The following CNTN6 variants were observed in gnomAD, a reference collection of about 807,000 sequenced individuals.
CNTN6 encodes the protein contactin 6.
Under a neutral mutation model 122.8 loss-of-function variants are expected in CNTN6, and 137 were observed. The ratio of observed to expected loss-of-function variants is 1.12; its 90% CI spans 0.97 to 1.29. The LOEUF (loss-of-function observed/expected upper bound fraction) is 1.29. Ranked by LOEUF, CNTN6 falls within the 50% of genes most tolerant of loss-of-function variation. The pLI is 0.00. For synonymous variants in CNTN6, 570 were observed against 426.0 expected (o/e 1.34, Z -4.16); for missense variants, 1,634 against 1,223.4 (o/e 1.34, Z -5.01).
At chr3:1,121,991 C>T (rs1357550121) in intron 1 of CNTN6, among the ~76,000 whole-genome samples, 1 of 151,928 alleles carries the variant, frequency 6.6e-6, no homozygotes, top group African/African-American at 2.4e-5. Context: ...GGCAGGTGTT[C>T]TGATCTCTCT....
At chr3:1,176,549 T>C (rs1051554664) in intron 2 of CNTN6, among the ~76,000 whole-genome samples, 4 of 152,048 alleles carry the variant, frequency 2.6e-5, no homozygotes, top group African/African-American at 4.8e-5. Context: ...CTAGGGAGTA[T>C]GGAATCACAA....
chr3:1,103,609 G>A (rs935770696), intron 1 of CNTN6, among the ~76,000 whole-genome samples: 1 of 152,322 alleles, frequency 6.6e-6, no homozygotes, highest in South Asian at 2.1e-4. Context: ...AGAGACTGGA[G>A]TTTAAAGGAA....
At position 1,130,173 on chromosome 3, in the gene CNTN6, A is replaced by C. The variant is rs146020617; in HGVS notation, c.-82-17754A>C. Among the ~76,000 whole-genome samples the C allele has an allele frequency of 8.0e-3, 1,213 of 152,206 alleles. 9 individuals carry two copies. The highest frequency in any genetic ancestry group is 0.013 in the Admixed American group (197 of 15,258). ...ATCCTTGCCAAAGTCCAATCTTTAC[A>C]CAGGACATTGACTTTATTTCAAGGC... On this transcript the variant is annotated intron_variant, in intron 1 of 22. Coordinates refer to ENST00000446702, the MANE Select transcript of CNTN6 (RefSeq NM_001289080.2).
chr3:1,098,789 C>CACACAT (rs1211008614), intron 1 of CNTN6, among the ~76,000 whole-genome samples: 29 of 63,250 alleles, frequency 4.6e-4, no homozygotes, highest in Middle Eastern at 8.5e-3. Flanking sequence ...CACACACACA[C>CACACAT]ATATATATAT....
intron 2 of CNTN6, among the ~76,000 whole-genome samples, chr3:1,205,269 T>C (rs931859385): frequency 7.2e-5 from 11 of 152,190 alleles, no homozygotes; most frequent in Admixed American, 7.2e-4. Flanking sequence ...GAGACCCATT[T>C]TGGAATTCAA....
chr3:1,398,150 T>C lies in CNTN6; in HGVS notation c.2705-3283T>C, dbSNP rs73097113. On this transcript the variant is annotated intron_variant, in intron 20 of 22. Transcript: ENST00000446702. The stretch of plus-strand genomic sequence containing the variant: ...CATGACATGTGTTTTGTGCTATCCA[T>C]GTGGCAGTGTTTTGGTTTCTCAAGA... 3.9e-3 allele frequency among the ~76,000 whole-genome samples: 598 copies of C among 152,272 alleles called. 3 individuals are homozygous for C. The highest frequency in any genetic ancestry group is 0.014 in the African/African-American group (568 of 41,568).
chr3:1,266,923 C>T (rs116199905), intron 4 of CNTN6, among the ~76,000 whole-genome samples: 2,211 of 149,196 alleles, frequency 0.015, 58 homozygotes, highest in African/African-American at 0.049. Flanking sequence ...CCTCAGACCT[C>T]TGGGAAGCCA....
chr3:1,117,399 T>G (rs1266931036), intron 1 of CNTN6, among the ~76,000 whole-genome samples: 2 of 152,012 alleles, frequency 1.3e-5, no homozygotes, highest in East Asian at 1.9e-4. Context: ...GCTGAATAAT[T>G]AGGAGGCAGA....
intron 1 of CNTN6, among the ~76,000 whole-genome samples, chr3:1,126,566 T>C (rs999069819): frequency 6.6e-6 from 1 of 151,912 alleles, no homozygotes; most frequent in African/African-American, 2.4e-5. Context: ...TCCTACTGTC[T>C]GTCACCACCA....
At chr3:1,234,629 T>C (rs1035411165) in intron 4 of CNTN6, among the ~76,000 whole-genome samples, 3 of 152,190 alleles carry the variant, frequency 2.0e-5, no homozygotes, top group African/African-American at 7.2e-5. Flanking sequence ...AAGTGCGTAT[T>C]AAGTGGGTAA....
chr3:1,126,674 T>A (rs2092172559), intron 1 of CNTN6, among the ~76,000 whole-genome samples: 2 of 151,998 alleles, frequency 1.3e-5, no homozygotes, highest in Admixed American at 1.3e-4. Context: ...CATCAATCAA[T>A]ATTTGTTAAA....
chr3:1,102,724 T>A (rs1036102507), intron 1 of CNTN6, among the ~76,000 whole-genome samples: 6 of 148,986 alleles, frequency 4.0e-5, no homozygotes, highest in Admixed American at 1.3e-4. Flanking sequence ...CGAGACTCCG[T>A]CTCAAAAAAT....
At chr3:1,395,017 GA>G (rs149026021) in intron 20 of CNTN6, among the ~76,000 whole-genome samples, 3,115 of 152,078 alleles carry the variant, frequency 0.02, 43 homozygotes, top group Non-Finnish European at 0.032. Context: ...AATCAAACAA[GA>G]AAAACCTCTG....
intron 1 of CNTN6, among the ~76,000 whole-genome samples, chr3:1,093,409 G>T (rs1441076518): frequency 6.6e-6 from 1 of 152,188 alleles, no homozygotes; most frequent in Non-Finnish European, 1.5e-5. Context: ...ACTAGTCTTT[G>T]CTGCAGTAAA....
intron 2 of CNTN6, among the ~76,000 whole-genome samples, chr3:1,171,059 C>T (rs577620638): frequency 6.6e-6 from 1 of 152,152 alleles, no homozygotes; most frequent in Non-Finnish European, 1.5e-5. Flanking sequence ...ATGGCCAATG[C>T]CATTGGCAAC....
At chr3:1,215,546 TC>T (rs2094118699) in intron 2 of CNTN6, among the ~76,000 whole-genome samples, 1 of 152,206 alleles carries the variant, frequency 6.6e-6, no homozygotes. Flanking sequence ...TGTATTTTTT[TC>T]ATATTGACAT....
intron 20 of CNTN6, 65 bp from the exon 21 acceptor site, chr3:1,401,362 CATGTTG>C: frequency 8.3e-7 from 1 of 1,198,586 alleles, no homozygotes; most frequent in Admixed American, 2.0e-5. Context: ...TTTTTCTTTT[CATGTTG>C]ATGCATCATA....
chr3:1,336,865 A>C (rs1703151041), intron 11 of CNTN6, among the ~76,000 whole-genome samples: 1 of 152,146 alleles, frequency 6.6e-6, no homozygotes, highest in African/African-American at 2.4e-5. Context: ...CCATTGTGGG[A>C]AAACTACACA....
intron 2 of CNTN6, among the ~76,000 whole-genome samples, chr3:1,219,320 C>A (rs1400283710): frequency 6.6e-6 from 1 of 152,130 alleles, no homozygotes; most frequent in Non-Finnish European, 1.5e-5. Flanking sequence ...GCATAAAGAG[C>A]ACAGCATCCT....
Sources: gnomAD v4.1 joint callset for allele counts (sites outside exome capture counted in the v4.1 genomes callset) on GRCh38, gnomAD v4.1.1 for gene constraint, MANE v1.5 for transcripts, NCBI Gene and HGNC (gene_info 2026-07-23, HGNC 2026-07-21) for gene names.